Variants in UTRN observed in about 807,000 individuals in gnomAD.
The protein encoded by UTRN is utrophin.
UTRN carries 283 observed loss-of-function variants against 463.9 expected under a neutral mutation model. The observed-to-expected ratio is 0.61, with a 90% CI of 0.55 to 0.67. The LOEUF (loss-of-function observed/expected upper bound fraction) is 0.67. UTRN is among the 30% of genes least tolerant of loss of function. The pLI is 0.00. For synonymous variants in UTRN, 1,442 were observed against 1,431.5 expected (o/e 1.01, Z -0.17); for missense variants, 3,922 against 4,084.3 (o/e 0.96, Z 1.08).
At chr6:144,703,167 GAGA>G (rs973297193) in intron 53 of UTRN, among the ~76,000 whole-genome samples, 4 of 152,164 alleles carry the variant, frequency 2.6e-5, no homozygotes, top group African/African-American at 9.7e-5. Flanking sequence ...TGTGGAATGA[GAGA>G]AGAAGAGCCA....
chr6:144,688,014 C>G (rs1455175758), intron 52 of UTRN, among the ~76,000 whole-genome samples: 1 of 152,124 alleles, frequency 6.6e-6, no homozygotes, highest in Admixed American at 6.6e-5. Context: ...TTTACATAAT[C>G]CCATATTTCT....
At chr6:144,463,052 G>A (rs752837576) in intron 23 of UTRN, among the ~76,000 whole-genome samples, 186 bp downstream of exon 23, 4 of 152,026 alleles carry the variant, frequency 2.6e-5, no homozygotes, top group African/African-American at 9.7e-5. Context: ...ATTTCCTTTT[G>A]CCTGGAAGCA....
At chr6:144,635,611 C>G (rs1777094895) in intron 51 of UTRN, among the ~76,000 whole-genome samples, 1 of 137,494 alleles carries the variant, frequency 7.3e-6, no homozygotes, top group Non-Finnish European at 1.5e-5. Context: ...ACGATATCAG[C>G]TCACTGCAAC....
At chr6:144,443,052 T>G (rs1787328782) in intron 13 of UTRN, among the ~76,000 whole-genome samples, 1 of 152,184 alleles carries the variant, frequency 6.6e-6, no homozygotes, top group Admixed American at 6.5e-5. Flanking sequence ...TCAACAACAG[T>G]TTTGGAAACC....
chr6:144,654,370 T>A (rs1779122954), intron 51 of UTRN, among the ~76,000 whole-genome samples: 1 of 152,210 alleles, frequency 6.6e-6, no homozygotes, highest in African/African-American at 2.4e-5. Flanking sequence ...AGTTTGAACT[T>A]CCTCTGTGTT....
At position 144,400,793 on chromosome 6, in the gene UTRN, G is replaced by C. The variant is rs188424054; in HGVS notation, c.80-2330G>C. Among the ~76,000 whole-genome samples the C allele has an allele frequency of 8.5e-4, 129 of 152,250 alleles. 2 individuals carry two copies. The East Asian group carries it at 0.022, about 26-fold the overall frequency. On this transcript the variant is annotated intron_variant, in intron 2 of 74. Transcript: ENST00000367545. The stretch of plus-strand genomic sequence containing the variant: ...TGTATCGTTTACAGGCAAATAATTT[G>C]TCTGTTACTTAGACTTATATTCTGA...
intron 51 of UTRN, among the ~76,000 whole-genome samples, chr6:144,629,567 T>C (rs910798505): frequency 2.6e-5 from 4 of 152,242 alleles, no homozygotes; most frequent in Admixed American, 2.6e-4. Flanking sequence ...AGTCTTGTGA[T>C]TCCATGTCCA....
chr6:144,839,266 C>T lies in UTRN; in HGVS notation c.10159C>T (p.Pro3387Ser). 2 of 1,613,660 alleles carry T rather than the reference C, an allele frequency of 1.2e-6. No individual in the cohort carries two copies. Among genetic ancestry groups the T allele is most frequent in the Non-Finnish European group, 1.7e-6 (2 of 1,179,884 alleles). ...CTCGCTTGATCCAGATGCCTCCGGCCCACAGTTCCACCAGGCAGGTCGGTG... is the reference window on the plus strand; with the variant it reads ...CTCGCTTGATCCAGATGCCTCCGGCTCACAGTTCCACCAGGCAGGTCGGTG... ...SYSLDPDASG[P>S]QFHQAAGEDL... The change falls in exon 72 of 75, where the codon CCA (proline) becomes TCA (serine). Residue 3387 changes from proline (P) to serine (S), a missense_variant. Pro to Ser is a moderately conservative substitution (Grantham distance 74). Transcript: ENST00000367545.
In UTRN at chr6:144,607,330, C is replaced by T. The variant is rs146697021; in HGVS notation, c.7479+30042C>T. Reference sequence around the variant, plus strand: ...GGAAAATTCTGCAAATTATGCTTTCCTTTGGAGCTGCACGATGCACATTAT... The same window carrying T: ...GGAAAATTCTGCAAATTATGCTTTCTTTTGGAGCTGCACGATGCACATTAT... On this transcript the variant is annotated intron_variant, in intron 51 of 74. Coordinates refer to ENST00000367545, the MANE Select transcript of UTRN (RefSeq NM_007124.3). 2.8e-3 allele frequency among the ~76,000 whole-genome samples: 425 copies of T among 152,074 alleles called. 2 individuals are homozygous for T. Among genetic ancestry groups the T allele is most frequent in the African/African-American group, 8.6e-3 (355 of 41,520 alleles).
chr6:144,528,155 G>A (rs896585859), intron 41 of UTRN, among the ~76,000 whole-genome samples: 4 of 150,292 alleles, frequency 2.7e-5, no homozygotes, highest in African/African-American at 9.8e-5. Flanking sequence ...TCCTGCCTCA[G>A]CCTCCTGAGT....
At chr6:144,637,973 T>C (rs1197786797) in intron 51 of UTRN, among the ~76,000 whole-genome samples, 1 of 152,250 alleles carries the variant, frequency 6.6e-6, no homozygotes, top group African/African-American at 2.4e-5. Context: ...TTATGGCTCA[T>C]AGAAGAGACA....
intron 50 of UTRN, among the ~76,000 whole-genome samples, chr6:144,560,467 G>A (rs144208938): frequency 4.6e-5 from 7 of 151,990 alleles, no homozygotes; most frequent in Admixed American, 6.6e-5. Context: ...ATCACACCCC[G>A]TCTAATGGCT....
chr6:144,577,879 T>C (rs1384453132), intron 51 of UTRN, among the ~76,000 whole-genome samples: 1 of 152,206 alleles, frequency 6.6e-6, no homozygotes, highest in Non-Finnish European at 1.5e-5. Flanking sequence ...CAAGTAGTTC[T>C]GCTTCAGTAC....
intron 51 of UTRN, among the ~76,000 whole-genome samples, chr6:144,627,999 C>A (rs1163981930): frequency 6.6e-6 from 1 of 152,106 alleles, no homozygotes; most frequent in Non-Finnish European, 1.5e-5. Flanking sequence ...CGGGGTTTCA[C>A]CATGTCGGTC....
At chr6:144,302,380 A>T (rs973445968) in intron 2 of UTRN, among the ~76,000 whole-genome samples, 2 of 152,004 alleles carry the variant, frequency 1.3e-5, no homozygotes, top group African/African-American at 4.8e-5. Flanking sequence ...GCGTGGTGGC[A>T]CTCACCTGTA....
chr6:144,803,092 G>T lies in UTRN; in HGVS notation c.9302G>T (p.Gly3101Val), dbSNP rs1562930643. 1.9e-6 allele frequency: 3 copies of T among 1,596,950 alleles called. No individual in the cohort carries two copies. The highest frequency in any genetic ancestry group is 2.6e-6 in the Non-Finnish European group (3 of 1,172,070). ...YDVCQSCFFS[G>V]RTAKGHKLHY... ...GTCTGCCAGAGTTGTTTCTTTTCGG[G>T]TCGAACAGCAAAAGGTCACAAATTA... The change falls in exon 65 of 75, where the codon GGT (glycine) becomes GTT (valine). Residue 3101 changes from glycine (G) to valine (V), a missense_variant. This residue lies in a region of UTRN where 1,309 missense variants were observed against 1,452.6 expected (regional missense o/e 0.90). Transcript: ENST00000367545.
Position 144,768,669 on chromosome 6 carries a change from A to T in UTRN, c.8496-3238A>T, listed in dbSNP as rs751807212. On this transcript the variant is annotated intron_variant, in intron 58 of 74. Coordinates refer to ENST00000367545, the MANE Select transcript of UTRN (RefSeq NM_007124.3). ...ACTGGTCAATATCCACAGGACAATA[A>T]TCAATTGCATTCCACTGGGCACAAT... is the stretch of plus-strand genomic sequence containing the variant. Among the ~76,000 whole-genome samples, 19 of 152,244 alleles carry T rather than the reference A, an allele frequency of 1.2e-4. 1 individual carries two copies. The highest frequency in any genetic ancestry group is 2.6e-4 in the Admixed American group (4 of 15,278).
intron 51 of UTRN, among the ~76,000 whole-genome samples, chr6:144,584,404 A>C (rs2128628281): frequency 6.6e-6 from 1 of 152,310 alleles, no homozygotes; most frequent in South Asian, 2.1e-4. Context: ...ACACTACCGC[A>C]GTACTATATT....
intron 2 of UTRN, among the ~76,000 whole-genome samples, chr6:144,373,833 A>C (rs192337472): frequency 6.6e-6 from 1 of 152,100 alleles, no homozygotes; most frequent in South Asian, 2.1e-4. Context: ...AAAAATATCA[A>C]TTTCTTATGG....
Sources: allele counts gnomAD v4.1 joint callset (sites outside exome capture counted in the v4.1 genomes callset), GRCh38; gene constraint gnomAD v4.1.1; regional missense constraint gnomAD v4.1.1; transcripts MANE v1.5; gene names NCBI Gene and HGNC (gene_info 2026-07-23, HGNC 2026-07-21).